Variants in LDLRAD4 observed in about 807,000 individuals in gnomAD.
LDLRAD4 encodes low-density lipoprotein receptor class A domain-containing protein 4.
LDLRAD4 carries 5 observed loss-of-function variants against 17.0 expected under a neutral mutation model. That is an observed-to-expected ratio of 0.29 (90% CI 0.15 to 0.62). LDLRAD4 has a LOEUF of 0.62. Among genes scored for constraint, LDLRAD4 ranks in the 20% least tolerant of loss-of-function variants. The probability of loss-of-function intolerance (pLI) is 0.84; values close to 1 mark genes in which losing one functional copy is unlikely to be tolerated. For synonymous variants in LDLRAD4, 168 were observed against 171.8 expected (o/e 0.98, Z 0.17); for missense variants, 340 against 424.7 (o/e 0.80, Z 1.75).
intron 3 of LDLRAD4, among the ~76,000 whole-genome samples, chr18:13,606,854 T>C (rs1242087699): frequency 6.6e-6 from 1 of 152,232 alleles, no homozygotes; most frequent in African/African-American, 2.4e-5. Flanking sequence ...GAATTTGTAA[T>C]GGGCAGAGCC....
intron 1 of LDLRAD4, among the ~76,000 whole-genome samples, chr18:13,259,641 C>T (rs569015455): frequency 7.9e-4 from 121 of 152,266 alleles, no homozygotes; most frequent in Non-Finnish European, 1.5e-3. Flanking sequence ...TCATTTTCTT[C>T]CACTTGTTTC....
chr18:13,549,969 A>C (rs2094413830), intron 3 of LDLRAD4, among the ~76,000 whole-genome samples: 1 of 152,144 alleles, frequency 6.6e-6, no homozygotes, highest in Non-Finnish European at 1.5e-5. Context: ...GGAGATGATA[A>C]TTCTGCCTCG....
chr18:13,279,633 C>T (rs758669821), intron 1 of LDLRAD4: 1 of 152,200 alleles, frequency 6.6e-6, no homozygotes, highest in Non-Finnish European at 1.5e-5. Context: ...TGTGGGGTTA[C>T]CTCACTCATC....
intron 3 of LDLRAD4, among the ~76,000 whole-genome samples, chr18:13,523,514 C>A (rs538875025): frequency 6.6e-6 from 1 of 152,308 alleles, no homozygotes; most frequent in East Asian, 1.9e-4. Flanking sequence ...CCGCCTTGAT[C>A]CCAGCCTCAG....
chr18:13,405,990 G>A (rs993979954), intron 2 of LDLRAD4, among the ~76,000 whole-genome samples: 24 of 152,138 alleles, frequency 1.6e-4, no homozygotes, highest in Non-Finnish European at 2.5e-4. Context: ...AAGGTTCCAC[G>A]GTGATTCTTC....
chr18:13,280,168 G>A (rs560599787), intron 1 of LDLRAD4: 1 of 152,334 alleles, frequency 6.6e-6, no homozygotes, highest in Non-Finnish European at 1.5e-5. Flanking sequence ...GCACTTTTGA[G>A]TTTTTCCCTC....
At chr18:13,563,025 G>T (rs906099292) in intron 3 of LDLRAD4, 4 of 152,220 alleles carry the variant, frequency 2.6e-5, no homozygotes, top group Non-Finnish European at 4.4e-5. Flanking sequence ...AGAGTTCTTT[G>T]TTAGAAGAGG....
At chr18:13,325,333 C>A (rs2081460692) in intron 1 of LDLRAD4, among the ~76,000 whole-genome samples, 1 of 152,210 alleles carries the variant, frequency 6.6e-6, no homozygotes, top group Admixed American at 6.5e-5. Context: ...AGCTTTGATC[C>A]CTCAAGGAAG....
intron 1 of LDLRAD4, among the ~76,000 whole-genome samples, chr18:13,316,572 A>G (rs72872527): frequency 3.9e-5 from 6 of 152,348 alleles, no homozygotes; most frequent in Non-Finnish European, 8.8e-5. Flanking sequence ...GACAGCGACT[A>G]CCTGTCACCA....
At chr18:13,257,035 C>G (rs2043543415) in intron 1 of LDLRAD4, among the ~76,000 whole-genome samples, 1 of 152,206 alleles carries the variant, frequency 6.6e-6, no homozygotes, top group Non-Finnish European at 1.5e-5. Context: ...TTTGTTAATA[C>G]TTCCTTTGAC....
At chr18:13,400,109 C>T (rs570710354) in intron 2 of LDLRAD4, among the ~76,000 whole-genome samples, 24 of 152,154 alleles carry the variant, frequency 1.6e-4, no homozygotes, top group Admixed American at 7.9e-4. Context: ...TTGAATTTTA[C>T]GCTGGGCACT....
At chr18:13,233,441 T>A (rs924253016) in intron 1 of LDLRAD4, among the ~76,000 whole-genome samples, 2 of 152,192 alleles carry the variant, frequency 1.3e-5, no homozygotes, top group African/African-American at 4.8e-5. Flanking sequence ...GCCGGCACCC[T>A]CTTATTGGAA....
intron 1 of LDLRAD4, among the ~76,000 whole-genome samples, chr18:13,322,277 G>A (rs1251557452): frequency 1.4e-5 from 2 of 143,260 alleles, no homozygotes; most frequent in African/African-American, 5.2e-5. Flanking sequence ...ATTTAAGCCA[G>A]TCACTTTTCT....
intron 3 of LDLRAD4, among the ~76,000 whole-genome samples, chr18:13,578,435 G>T (rs963953778): frequency 6.6e-6 from 1 of 152,148 alleles, no homozygotes; most frequent in East Asian, 1.9e-4. Flanking sequence ...TGCCCTCCCT[G>T]GCCAGCACAT....
intron 2 of LDLRAD4, among the ~76,000 whole-genome samples, chr18:13,400,819 A>G (rs542162175): frequency 2.0e-5 from 3 of 152,296 alleles, no homozygotes; most frequent in South Asian, 4.1e-4. Context: ...GCCCACTCCT[A>G]GATTTATTGA....
At chr18:13,646,573 T>C (rs2043023961) in exon 6 of LDLRAD4, 1 of 152,544 alleles carries the variant, frequency 6.6e-6, no homozygotes, top group Non-Finnish European at 1.5e-5. Flanking sequence ...CTGCATAGTT[T>C]ATGAGAAAAT....
intron 1 of LDLRAD4, among the ~76,000 whole-genome samples, chr18:13,268,233 C>T (rs571058504): frequency 2.0e-5 from 3 of 152,308 alleles, no homozygotes; most frequent in East Asian, 3.9e-4. Flanking sequence ...ACTCTCTATC[C>T]GTTTTCCTTA....
intron 3 of LDLRAD4, among the ~76,000 whole-genome samples, chr18:13,478,036 C>G (rs553147889): frequency 8.3e-4 from 127 of 152,352 alleles, no homozygotes; most frequent in Middle Eastern, 3.4e-3. Flanking sequence ...GGACCTACTT[C>G]TGATACAGTG....
At chr18:13,301,833 T>C (rs947754991) in intron 1 of LDLRAD4, among the ~76,000 whole-genome samples, 1 of 152,090 alleles carries the variant, frequency 6.6e-6, no homozygotes, top group African/African-American at 2.4e-5. Flanking sequence ...CTCTGCAGGG[T>C]CTGAGGTGGG....
Sources: gnomAD v4.1 joint callset for allele counts (sites outside exome capture counted in the v4.1 genomes callset) on GRCh38, gnomAD v4.1.1 for gene constraint, MANE v1.5 for transcripts, NCBI Gene and HGNC (gene_info 2026-07-23, HGNC 2026-07-21) for gene names.